TBK1: variants seen among roughly 807,000 people sequenced by gnomAD.
TBK1 encodes the protein TANK binding kinase 1.
Under a neutral mutation model 99.9 loss-of-function variants are expected in TBK1, and 37 were observed. The observed-to-expected ratio is 0.37, with a 90% confidence interval of 0.28 to 0.49. The LOEUF is 0.49. TBK1 is among the 20% of genes least tolerant of loss of function. The pLI, the probability that TBK1 is intolerant of heterozygous loss-of-function variation, is 0.98. For synonymous variants in TBK1, 258 were observed against 279.8 expected, an observed-to-expected ratio of 0.92 and a Z score of 0.78; for missense variants, 644 against 872.5, an observed-to-expected ratio of 0.74 and a Z score of 3.30.
At chr12:64,466,702 A>G (rs2040607924) in intron 4 of TBK1, among the ~76,000 whole-genome samples, 199 bp from the exon 5 acceptor site, 1 of 151,810 alleles carries the variant, frequency 6.6e-6, no homozygotes, top group Non-Finnish European at 1.5e-5. Flanking sequence ...AATTTTTATC[A>G]TTCTAAAACT....
chr12:64,489,811 C>T (rs1007597067), intron 12 of TBK1, among the ~76,000 whole-genome samples: 37 of 150,684 alleles, frequency 2.5e-4, no homozygotes, highest in Non-Finnish European at 1.6e-4. Context: ...CTCCTAACTT[C>T]GTGATCTTCC....
At chr12:64,476,547 T>C (rs2040716233) in intron 6 of TBK1, among the ~76,000 whole-genome samples, 1 of 152,174 alleles carries the variant, frequency 6.6e-6, no homozygotes, top group African/African-American at 2.4e-5. Flanking sequence ...TCGTTTAAGT[T>C]CCTTATAGAT....
chr12:64,465,242 CAAAAAAAAA>C (rs57575805), intron 4 of TBK1, among the ~76,000 whole-genome samples: 4 of 57,914 alleles, frequency 6.9e-5, no homozygotes, highest in African/African-American at 3.2e-4. Context: ...AAGACTATCT[CAAAAAAAAA>C]AAAAAAAAAA....
intron 6 of TBK1, among the ~76,000 whole-genome samples, chr12:64,476,191 T>C (rs2040711551): frequency 7.6e-6 from 1 of 131,840 alleles, no homozygotes; most frequent in Admixed American, 8.9e-5. Flanking sequence ...GGAGTCTCGC[T>C]CTGTTGCCCA....
intron 11 of TBK1, 67 bp from the exon 12 acceptor site, chr12:64,488,420 A>G (rs375914024): frequency 2.3e-6 from 2 of 887,146 alleles, no homozygotes; most frequent in Non-Finnish European, 3.4e-6. Flanking sequence ...GTACTGCAGT[A>G]TAATTAGTGA....
intron 20 of TBK1, among the ~76,000 whole-genome samples, chr12:64,498,834 T>C (rs2040956717): frequency 6.6e-6 from 1 of 151,400 alleles, no homozygotes; most frequent in African/African-American, 2.4e-5. Flanking sequence ...TGCACACCTG[T>C]AATCCCAGCT....
intron 13 of TBK1, among the ~76,000 whole-genome samples, chr12:64,492,623 T>G (rs893550385): frequency 6.6e-6 from 1 of 152,146 alleles, no homozygotes; most frequent in African/African-American, 2.4e-5. Context: ...AGATTTCTTA[T>G]GAGAAAGCAT....
chr12:64,459,053 G>A (rs1001411626), intron 2 of TBK1, among the ~76,000 whole-genome samples: 4 of 152,172 alleles, frequency 2.6e-5, no homozygotes, highest in Non-Finnish European at 5.9e-5. Context: ...AGTGAGAGAG[G>A]AGGGTGATGG....
At chr12:64,456,569 G>C (rs891097381) in intron 2 of TBK1, among the ~76,000 whole-genome samples, 1 of 152,110 alleles carries the variant, frequency 6.6e-6, no homozygotes, top group Non-Finnish European at 1.5e-5. Flanking sequence ...GGCCGGGCGC[G>C]GTGGCTCACG....
intron 20 of TBK1, among the ~76,000 whole-genome samples, chr12:64,500,691 G>T (rs986421099): frequency 1.3e-5 from 2 of 149,884 alleles, no homozygotes; most frequent in African/African-American, 4.9e-5. Flanking sequence ...AAATAACATT[G>T]TGTTCTAGCA....
At chr12:64,487,157 T>C (rs1370529609) in intron 11 of TBK1, among the ~76,000 whole-genome samples, 1 of 152,232 alleles carries the variant, frequency 6.6e-6, no homozygotes, top group African/African-American at 2.4e-5. Flanking sequence ...AGATGTCATC[T>C]TTCCATCTGA....
chr12:64,485,853 A>G (rs556540469), intron 10 of TBK1, 73 bp from the exon 11 acceptor site: 9 of 1,074,270 alleles, frequency 8.4e-6, no homozygotes, highest in Non-Finnish European at 1.2e-5. Flanking sequence ...AAGCTTGAAT[A>G]ATTTTGTGTA....
chr12:64,471,591 G>A (rs1406403497), intron 5 of TBK1, among the ~76,000 whole-genome samples: 5 of 152,060 alleles, frequency 3.3e-5, no homozygotes, highest in Admixed American at 1.3e-4. Context: ...GACCTCAAGC[G>A]ATCCACCCAC....
At chr12:64,489,009 A>G (rs541522113) in intron 12 of TBK1, among the ~76,000 whole-genome samples, 12 of 152,162 alleles carry the variant, frequency 7.9e-5, no homozygotes, top group Non-Finnish European at 1.8e-4. Context: ...AAATAAAATA[A>G]AGATCAGCCT....
At chr12:64,481,081 A>G (rs1351230131) in intron 7 of TBK1, among the ~76,000 whole-genome samples, 3 of 152,328 alleles carry the variant, frequency 2.0e-5, no homozygotes, top group Admixed American at 1.3e-4. Context: ...TCGTCATGTA[A>G]CTAGATTACT....
At chr12:64,461,557 T>C (rs2040548562) in intron 3 of TBK1, among the ~76,000 whole-genome samples, 1 of 152,200 alleles carries the variant, frequency 6.6e-6, no homozygotes. Context: ...TTAAATAAGT[T>C]GAATAAATTA....
At chr12:64,493,824 T>C (rs1015293695) in intron 13 of TBK1, among the ~76,000 whole-genome samples, 13 of 152,196 alleles carry the variant, frequency 8.5e-5, no homozygotes, top group Non-Finnish European at 1.6e-4. Context: ...AATCACTGTT[T>C]TCATTTTCTT....
intron 19 of TBK1, 94 bp downstream of exon 19, chr12:64,497,848 G>A: frequency 7.2e-7 from 1 of 1,386,908 alleles, no homozygotes; most frequent in Non-Finnish European, 1.0e-6. Flanking sequence ...TTTTATGTTT[G>A]TTGTAATACA....
rs138804307 is a variant in TBK1 at position 64,477,687 on chromosome 12, G to A, written c.702-2325G>A. Among the ~76,000 whole-genome samples the A allele has an allele frequency of 6.0e-3, 913 of 152,260 alleles. 2 individuals are homozygous for A. The highest frequency in any genetic ancestry group is 0.017 in the Middle Eastern group (5 of 294). ...CTCTGGCTGAGACTTCTAGTACTATGTTGAATAGGAGTGGTGAGAGTGGGC... is the reference window on the plus strand; with the variant it reads ...CTCTGGCTGAGACTTCTAGTACTATATTGAATAGGAGTGGTGAGAGTGGGC... On this transcript the variant is annotated intron_variant, in intron 6 of 20. Coordinates refer to ENST00000331710, the MANE Select transcript of TBK1 (RefSeq NM_013254.4).
Sources: allele counts gnomAD v4.1 joint callset (sites outside exome capture counted in the v4.1 genomes callset), GRCh38; gene constraint gnomAD v4.1.1; transcripts MANE v1.5; gene names NCBI Gene and HGNC (gene_info 2026-07-23, HGNC 2026-07-21).